The following BAZ2B variants were observed in gnomAD, a reference collection of about 807,000 sequenced individuals.
The protein encoded by BAZ2B is bromodomain adjacent to zinc finger domain 2B.
Under a neutral mutation model 246.0 loss-of-function variants are expected in BAZ2B, and 91 were observed. The ratio of observed to expected loss-of-function variants is 0.37; its 90% CI spans 0.31 to 0.44. BAZ2B has a LOEUF of 0.44. Ranked by LOEUF, BAZ2B falls within the 20% of genes least tolerant of loss-of-function variation. The pLI, the probability that BAZ2B is intolerant of heterozygous loss-of-function variation, is 1.00. For missense variants in BAZ2B, 2,332 were observed against 2,533.7 expected (o/e 0.92, Z 1.71); for synonymous variants, 855 against 860.0 (o/e 0.99, Z 0.10).
In BAZ2B at chr2:159,398,708, T is replaced by G. The variant is rs1022688442; in HGVS notation, c.2964+121A>C. The stretch of plus-strand genomic sequence containing the variant: ...ACATACACTATACACATGTAGTATC[T>G]GCTAAACATATTTTCAGATAGTCAT... On this transcript the variant is annotated intron_variant, in intron 18 of 36. Coordinates refer to ENST00000392783, the MANE Select transcript of BAZ2B (RefSeq NM_013450.4). The G allele has an allele frequency of 3.1e-5, 26 of 847,096 alleles. No individual in the cohort carries two copies. The African/African-American group carries it at 4.1e-4, about 13-fold the overall frequency. The allele number at this position is 847,096 out of a possible 1,614,324, so 52.5% of individuals were successfully genotyped here.
intron 24 of BAZ2B, among the ~76,000 whole-genome samples, chr2:159,383,381 CTT>C (rs200143852): frequency 0.03 from 4,568 of 152,162 alleles, 101 homozygotes; most frequent in East Asian, 0.069. Context: ...GAGAAAATGA[CTT>C]TCTTCTAAGT....
chr2:159,551,681 A>G (rs1381834817), intron 2 of BAZ2B, among the ~76,000 whole-genome samples: 1 of 152,192 alleles, frequency 6.6e-6, no homozygotes, highest in African/African-American at 2.4e-5. Flanking sequence ...TTATTTTATT[A>G]TACTTTCTAT....
At chr2:159,389,857 C>A (rs10182550) in intron 20 of BAZ2B, among the ~76,000 whole-genome samples, 64,286 of 151,940 alleles carry the variant, frequency 0.42, 13,727 homozygotes, top group South Asian at 0.57. Flanking sequence ...TGAATTTGCA[C>A]AAGTAGTTCT....
chr2:159,316,347 A>C (rs1390008195), downstream of BAZ2B, among the ~76,000 whole-genome samples: 1 of 152,160 alleles, frequency 6.6e-6, no homozygotes, highest in Non-Finnish European at 1.5e-5. Context: ...CCAGCAGATA[A>C]GATTCTATTC....
chr2:159,392,388 T>C (rs907075938), intron 20 of BAZ2B, among the ~76,000 whole-genome samples: 2 of 152,090 alleles, frequency 1.3e-5, no homozygotes, highest in African/African-American at 2.4e-5. Context: ...ACTTCAGACA[T>C]GGTAGTACTT....
chr2:159,704,490 T>TA, the BAZ2B span, among the ~76,000 whole-genome samples: 1 of 148,516 alleles, frequency 6.7e-6, no homozygotes, highest in Non-Finnish European at 1.5e-5. Flanking sequence ...TTCTTTTTTT[T>TA]TTTTTTTTTG....
At chr2:159,512,460 G>GT (rs2083029570) in intron 2 of BAZ2B, among the ~76,000 whole-genome samples, 1 of 152,044 alleles carries the variant, frequency 6.6e-6, no homozygotes, top group Admixed American at 6.6e-5. Context: ...GAGATTACTG[G>GT]TTTTCCAGTA....
rs182484145 is a variant in BAZ2B at position 159,331,609 on chromosome 2, T to A, written c.5943+931A>T. ...CCAGGCTGGTCTTGATCTCCTGGCCTCAAGTGATCTGCTCGCCTCGGCCTC... is the reference window on the plus strand; with the variant it reads ...CCAGGCTGGTCTTGATCTCCTGGCCACAAGTGATCTGCTCGCCTCGGCCTC... On this transcript the variant is annotated intron_variant, in intron 34 of 36. Transcript: ENST00000392783. Among the ~76,000 whole-genome samples, 486 of 152,318 alleles carry A rather than the reference T, an allele frequency of 3.2e-3. 10 individuals are homozygous for A. The highest frequency in any genetic ancestry group is 6.9e-4 in the Non-Finnish European group (47 of 68,022).
At chr2:159,666,978 C>T in the BAZ2B span, among the ~76,000 whole-genome samples, 2 of 151,960 alleles carry the variant, frequency 1.3e-5, no homozygotes, top group Admixed American at 6.6e-5. Flanking sequence ...ACCTAATGCA[C>T]GTGGGACTTA....
At chr2:159,547,916 G>A (rs184260808) in intron 2 of BAZ2B, among the ~76,000 whole-genome samples, 20 of 152,226 alleles carry the variant, frequency 1.3e-4, no homozygotes, top group Middle Eastern at 3.4e-3. Context: ...TTATATCTGT[G>A]CAGCATGGTG....
At chr2:159,484,123 C>A (rs1559582556) in intron 2 of BAZ2B, among the ~76,000 whole-genome samples, 1 of 152,112 alleles carries the variant, frequency 6.6e-6, no homozygotes, top group Non-Finnish European at 1.5e-5. Context: ...CTGTTAAATA[C>A]CCTAAAATGG....
the BAZ2B span, among the ~76,000 whole-genome samples, chr2:159,676,952 T>TTATATA: frequency 6.9e-3 from 812 of 117,572 alleles, 5 homozygotes; most frequent in Non-Finnish European, 8.8e-3. Context: ...AATAGTTTTG[T>TTATATA]TATATATATA....
At chr2:159,596,632 G>A (rs1690781288) in intron 1 of BAZ2B, among the ~76,000 whole-genome samples, 1 of 152,098 alleles carries the variant, frequency 6.6e-6, no homozygotes, top group Non-Finnish European at 1.5e-5. Context: ...CAACACCTGA[G>A]CAGTATACAC....
chr2:159,708,715 T>C, the BAZ2B span, among the ~76,000 whole-genome samples: 34 of 152,032 alleles, frequency 2.2e-4, no homozygotes, highest in African/African-American at 7.0e-4. Context: ...GCTGGGATTA[T>C]AGGCATGCAC....
chr2:159,655,187 G>T, the BAZ2B span, among the ~76,000 whole-genome samples: 1 of 152,062 alleles, frequency 6.6e-6, no homozygotes, highest in Non-Finnish European at 1.5e-5. Flanking sequence ...ATTACCTGAG[G>T]TCAGGAGTTT....
intron 27 of BAZ2B, among the ~76,000 whole-genome samples, chr2:159,367,020 C>T (rs757063059): frequency 6.6e-6 from 1 of 152,168 alleles, no homozygotes; most frequent in African/African-American, 2.4e-5. Flanking sequence ...TGCTTAGCCA[C>T]CGAGCTGATG....
upstream of BAZ2B, among the ~76,000 whole-genome samples, chr2:159,619,302 T>A (rs953333667): frequency 1.3e-5 from 2 of 151,726 alleles, no homozygotes; most frequent in Non-Finnish European, 3.0e-5. Context: ...CATCTTATCA[T>A]CATCAAAAGG....
chr2:159,368,610 C>T (rs2149362107), intron 27 of BAZ2B, among the ~76,000 whole-genome samples: 1 of 152,132 alleles, frequency 6.6e-6, no homozygotes, highest in Admixed American at 6.5e-5. Flanking sequence ...AAAATTATCC[C>T]TACTTCCCCC....
At chr2:159,690,702 A>G in the BAZ2B span, among the ~76,000 whole-genome samples, 1 of 152,128 alleles carries the variant, frequency 6.6e-6, no homozygotes, top group African/African-American at 2.4e-5. Context: ...ACAACTGTTC[A>G]ACTCTGCTGG....
Sources: gnomAD v4.1 joint callset for allele counts (sites outside exome capture counted in the v4.1 genomes callset) on GRCh38, gnomAD v4.1.1 for gene constraint, MANE v1.5 for transcripts, NCBI Gene and HGNC (gene_info 2026-07-23, HGNC 2026-07-21) for gene names.